Variants in TULP3 observed in about 807,000 individuals in gnomAD.
TULP3 encodes the protein tubby-related protein 3.
A neutral mutation model predicts 50.7 loss-of-function variants in TULP3; 38 were observed. The observed-to-expected ratio is 0.75, with a 90% CI of 0.58 to 0.98. The LOEUF (loss-of-function observed/expected upper bound fraction) is 0.98, where lower values mean the gene tolerates loss of function less well. Ranked by LOEUF, TULP3 falls within the 50% of genes least tolerant of loss-of-function variation. TULP3 has a pLI of 0.00. For missense variants in TULP3, 550 were observed against 568.0 expected (o/e 0.97, Z 0.32); for synonymous variants, 183 against 196.6 (o/e 0.93, Z 0.58).
At chr12:2,906,787 A>G (rs1424141656) in intron 1 of TULP3, among the ~76,000 whole-genome samples, 3 of 150,982 alleles carry the variant, frequency 2.0e-5, no homozygotes, top group Non-Finnish European at 4.4e-5. Context: ...GTGGTGGCAC[A>G]CGCCTGTAAT....
intron 1 of TULP3, among the ~76,000 whole-genome samples, chr12:2,901,924 GATGTTAGTCAATCTTC>G (rs1199496906): frequency 1.3e-5 from 2 of 152,068 alleles, no homozygotes; most frequent in Non-Finnish European, 2.9e-5. Flanking sequence ...TCTTCTAAAG[GATGTTAGTCAATCTTC>G]AAATAAGCAT....
At chr12:2,892,867 A>C (rs948014423) in intron 1 of TULP3, among the ~76,000 whole-genome samples, 1 of 135,010 alleles carries the variant, frequency 7.4e-6, no homozygotes, top group African/African-American at 2.9e-5. Flanking sequence ...TTTTCTTTTA[A>C]TTTTAATTTT....
At position 2,939,969 on chromosome 12, in the gene TULP3, G is replaced by T. The variant is rs2098203744; in HGVS notation, c.*525G>T. The stretch of plus-strand genomic sequence containing the variant: ...GATTTCATGTGCTTGGAAACTTGCA[G>T]TAGAATCAGGGACTGACATCGCAGT... On this transcript the variant is annotated 3_prime_UTR_variant, in exon 11 of 11. Coordinates refer to ENST00000448120, the MANE Select transcript of TULP3 (RefSeq NM_003324.5). The surrounding 1 kb of genome is among the most constrained non-coding windows in gnomAD (Gnocchi z 4.0). The T allele has an allele frequency of 7.8e-7, 1 of 1,275,908 alleles. No individual in the cohort carries two copies. 79.0% of individuals were successfully genotyped at this position (1,275,908 alleles called of 1,614,324 possible).
Position 2,939,508 on chromosome 12 carries a change from C to A in TULP3, c.*64C>A. On this transcript the variant is annotated 3_prime_UTR_variant, in exon 11 of 11. Transcript: ENST00000448120. This position sits in a 1 kb window ranked among gnomAD's most constrained non-coding sequence, Gnocchi z 4.0. ...TTTCAGGAGCAGACAGTGGCCTCCC[C>A]TTCCCCTCCCTGCCCCAGGACTTAA... 6.3e-7 allele frequency: 1 copy of A among 1,594,698 alleles called. No individual in the cohort carries two copies. The highest frequency in any genetic ancestry group is 8.5e-7 in the Non-Finnish European group (1 of 1,171,924).
Position 2,920,852 on chromosome 12 carries a change from G to GC in TULP3, c.185dup (p.Arg63LysfsTer4). On this transcript the variant is annotated frameshift_variant, in exon 3 of 11. Transcript: ENST00000448120. LOFTEE classifies it high-confidence loss of function. ...CAGAAGCCAGGCTACGTCGGGCAAA[G>GC]CCAAGGGCCAGTGATGAGCAGACTC... is the stretch of plus-strand genomic sequence containing the variant. 6.2e-7 allele frequency: 1 copy of GC among 1,614,142 alleles called. No homozygotes were observed. The highest frequency in any genetic ancestry group is 8.5e-7 in the Non-Finnish European group (1 of 1,180,030).
chr12:2,902,137 C>A (rs2098179642), intron 1 of TULP3, among the ~76,000 whole-genome samples: 1 of 152,154 alleles, frequency 6.6e-6, no homozygotes, highest in South Asian at 2.1e-4. Flanking sequence ...TAGCTTCATG[C>A]AGCAGCTGAT....
In TULP3 at chr12:2,903,992, C is replaced by T. The variant is rs187990225; in HGVS notation, c.42-5537C>T. Among the ~76,000 whole-genome samples the T allele has an allele frequency of 5.9e-5, 9 of 152,130 alleles. No homozygotes were observed. In the East Asian group the frequency reaches 1.7e-3, roughly 30 times the overall value. ...AGAGACGGGGTTTCACTGTGTTGGCCGGGGTGGTCTTGAACTCCTGACCTC... is the reference window on the plus strand; with the variant it reads ...AGAGACGGGGTTTCACTGTGTTGGCTGGGGTGGTCTTGAACTCCTGACCTC... On this transcript the variant is annotated intron_variant, in intron 1 of 10. Coordinates refer to ENST00000448120, the MANE Select transcript of TULP3 (RefSeq NM_003324.5).
chr12:2,903,846 C>T (rs936542298), intron 1 of TULP3, among the ~76,000 whole-genome samples: 3 of 151,948 alleles, frequency 2.0e-5, no homozygotes, highest in Non-Finnish European at 2.9e-5. Context: ...GTCAGTGGCA[C>T]GATCTCGGCT....
At position 2,932,579 on chromosome 12, in the gene TULP3, CAAA is replaced by C. The variant is rs11409686; in HGVS notation, c.697-821_697-819del. On this transcript the variant is annotated intron_variant, in intron 6 of 10. Coordinates refer to ENST00000448120, the MANE Select transcript of TULP3 (RefSeq NM_003324.5). ...TGGGTGACAGAGTGAGACCCTATCT[CAAA>C]AAAAAAAAAAAAAAAAAGCCATCAC... Among the ~76,000 whole-genome samples the C allele has an allele frequency of 2.7e-3, 186 of 68,858 alleles. 2 individuals carry two copies. Among genetic ancestry groups the C allele is most frequent in the East Asian group, 2.2e-3 (5 of 2,224 alleles). The allele number at this position is 68,858 out of a possible 152,430, so 45.2% of individuals were successfully genotyped here.
At chr12:2,905,084 C>CAAAAA (rs10666277) in intron 1 of TULP3, among the ~76,000 whole-genome samples, 6 of 141,600 alleles carry the variant, frequency 4.2e-5, no homozygotes, top group African/African-American at 1.6e-4. Context: ...GACTCTGTCT[C>CAAAAA]AAAAAAAAAA....
chr12:2,906,368 C>T (rs1229889942), intron 1 of TULP3, among the ~76,000 whole-genome samples: 1 of 150,862 alleles, frequency 6.6e-6, no homozygotes, highest in Non-Finnish European at 1.5e-5. Context: ...CTCTGTCATC[C>T]TGGCTAGAGT....
At chr12:2,938,349 A>G (rs1341522961) in intron 10 of TULP3, 64 bp downstream of exon 10, 28 of 1,495,230 alleles carry the variant, frequency 1.9e-5, no homozygotes, top group Non-Finnish European at 2.3e-5. Context: ...ATGGGAATGC[A>G]CATTCCCTGT....
intron 4 of TULP3, among the ~76,000 whole-genome samples, chr12:2,928,427 A>G (rs1462575216): frequency 1.3e-5 from 2 of 152,036 alleles, no homozygotes; most frequent in East Asian, 3.9e-4. Flanking sequence ...CTACTCGAGA[A>G]GCTGAGGCAG....
chr12:2,905,045 A>G (rs1456723640), intron 1 of TULP3, among the ~76,000 whole-genome samples: 2 of 147,816 alleles, frequency 1.4e-5, no homozygotes, highest in Admixed American at 6.8e-5. Flanking sequence ...AGATCGTGCC[A>G]CTGCACTCCA....
intron 1 of TULP3, 63 bp downstream of exon 1, chr12:2,891,051 A>G: frequency 3.4e-6 from 5 of 1,472,378 alleles, no homozygotes; most frequent in Non-Finnish European, 4.5e-6. Context: ...GAGAAGGCGG[A>G]GGTCCTCTCC....
At chr12:2,929,434 T>C (rs553373434) in intron 4 of TULP3, among the ~76,000 whole-genome samples, 16 of 152,178 alleles carry the variant, frequency 1.1e-4, no homozygotes, top group Non-Finnish European at 1.6e-4. Context: ...CTCAGCTAGC[T>C]AGGACTACAG....
chr12:2,907,827 T>C (rs2098183239), intron 1 of TULP3, among the ~76,000 whole-genome samples: 1 of 152,128 alleles, frequency 6.6e-6, no homozygotes, highest in Admixed American at 6.6e-5. Context: ...GGAACATATG[T>C]AGGTGAAACA....
At chr12:2,908,928 A>G (rs556995903) in intron 1 of TULP3, among the ~76,000 whole-genome samples, 1 of 152,318 alleles carries the variant, frequency 6.6e-6, no homozygotes, top group South Asian at 2.1e-4. Flanking sequence ...AGTTTAGTGA[A>G]ATGCCCAGAT....
chr12:2,939,664 C>T lies in TULP3; in HGVS notation c.*220C>T, dbSNP rs2098203548. On this transcript the variant is annotated 3_prime_UTR_variant, in exon 11 of 11. Coordinates refer to ENST00000448120, the MANE Select transcript of TULP3 (RefSeq NM_003324.5). This position sits in a 1 kb window ranked among gnomAD's most constrained non-coding sequence, Gnocchi z 4.0. Reference sequence around the variant, plus strand: ...CACACACGAAGAGCAATAGTTTGCCCCTTTTGGAACGACCCCTGAATATAT... The same window carrying T: ...CACACACGAAGAGCAATAGTTTGCCTCTTTTGGAACGACCCCTGAATATAT... 1 of 1,375,058 alleles carries T rather than the reference C, an allele frequency of 7.3e-7. No individual in the cohort carries two copies. Among genetic ancestry groups the T allele is most frequent in the South Asian group, 1.6e-5 (1 of 62,162 alleles). 85.2% of individuals were successfully genotyped at this position (1,375,058 alleles called of 1,614,324 possible).
Sources: gnomAD v4.1 joint callset for allele counts (sites outside exome capture counted in the v4.1 genomes callset) on GRCh38, gnomAD v4.1.1 for gene constraint, Gnocchi (gnomAD v3.1) non-coding constraint, MANE v1.5 for transcripts, NCBI Gene and HGNC (gene_info 2026-07-23, HGNC 2026-07-21) for gene names.